Variants in ARMC2 observed in about 807,000 individuals in gnomAD.
The protein encoded by ARMC2 is armadillo repeat containing 2.
Under a neutral mutation model 90.3 loss-of-function variants are expected in ARMC2, and 67 were observed. The observed-to-expected ratio is 0.74, with a 90% CI of 0.61 to 0.91. The LOEUF is 0.91. Ranked by LOEUF, ARMC2 falls within the 40% of genes least tolerant of loss-of-function variation. The probability of loss-of-function intolerance (pLI) is 0.00; values close to 1 mark genes in which losing one functional copy is unlikely to be tolerated. For missense variants in ARMC2, 920 were observed against 1,030.9 expected, an observed-to-expected ratio of 0.89 and a Z score of 1.47; for synonymous variants, 393 against 393.0, an observed-to-expected ratio of 1.00 and a Z score of 0.00.
intron 5 of ARMC2, among the ~76,000 whole-genome samples, chr6:108,890,189 C>CAAAAAAAAAAAAAAAAAAAAA (rs869186045): frequency 1.6e-5 from 1 of 64,250 alleles, no homozygotes; most frequent in Non-Finnish European, 2.6e-5. Flanking sequence ...GACTCCGTCT[C>CAAAAAAAAAAAAAAAAAAAAA]AAAAAAAAAA....
At chr6:108,897,201 C>A (rs913669276) in intron 6 of ARMC2, among the ~76,000 whole-genome samples, 5 of 152,136 alleles carry the variant, frequency 3.3e-5, no homozygotes, top group Non-Finnish European at 7.3e-5. Context: ...TGTGAATATT[C>A]ATATATTTTG....
At chr6:108,905,655 A>G (rs1441817365) in intron 8 of ARMC2, among the ~76,000 whole-genome samples, 1 of 152,240 alleles carries the variant, frequency 6.6e-6, no homozygotes, top group Non-Finnish European at 1.5e-5. Flanking sequence ...TGTCATTCAA[A>G]TTAATTATAT....
chr6:109,040,564 A>C, the ARMC2 span, among the ~76,000 whole-genome samples: 34 of 152,298 alleles, frequency 2.2e-4, no homozygotes, highest in African/African-American at 7.2e-4. Flanking sequence ...ACAATGATTA[A>C]ATTAAAACAG....
chr6:108,944,231 A>G (rs1359386040), intron 12 of ARMC2, among the ~76,000 whole-genome samples: 3 of 152,230 alleles, frequency 2.0e-5, no homozygotes, highest in Non-Finnish European at 4.4e-5. Context: ...CCAAGTTGAC[A>G]AGACCCACCA....
chr6:109,002,373 C>T, the ARMC2 span: 2 of 1,586,678 alleles, frequency 1.3e-6, no homozygotes, highest in Non-Finnish European at 1.7e-6. Flanking sequence ...CATCTCAGGC[C>T]TTTGGCAGTA....
chr6:108,997,569 G>C, the ARMC2 span, among the ~76,000 whole-genome samples: 3 of 152,062 alleles, frequency 2.0e-5, no homozygotes, highest in Admixed American at 1.3e-4. Context: ...GCTGTACTTG[G>C]CATTTTACTT....
the ARMC2 span, among the ~76,000 whole-genome samples, chr6:109,002,720 G>A: frequency 2.6e-5 from 4 of 152,216 alleles, no homozygotes; most frequent in African/African-American, 7.2e-5. Context: ...CCTGTGCATC[G>A]TCAGAAAATG....
At chr6:108,872,551 G>T (rs1186486187) in intron 4 of ARMC2, among the ~76,000 whole-genome samples, 9 of 152,140 alleles carry the variant, frequency 5.9e-5, no homozygotes, top group Non-Finnish European at 1.2e-4. Flanking sequence ...TCTGCAGGTG[G>T]GTGGATGCGA....
Position 108,953,196 on chromosome 6 carries a change from G to T in ARMC2, c.1760G>T (p.Arg587Leu). 6.2e-7 allele frequency: 1 copy of T among 1,614,016 alleles called. No homozygotes were observed. The stretch of plus-strand genomic sequence containing the variant: ...CATTCCCAGAAGCCGGTGGGCCAAC[G>T]AGGCGAGCAGCACAGGGCGCAGAGG... ...DLHSQKPVGQ[R>L]GEQHRAQRPP... The change falls in exon 13 of 18, where the codon CGA (arginine) becomes CTA (leucine). Residue 587 changes from arginine (R) to leucine (L), a missense_variant. Physicochemically the swap from Arg to Leu is moderately radical, Grantham distance 102. Transcript: ENST00000392644.
intron 1 of ARMC2, among the ~76,000 whole-genome samples, chr6:108,852,517 A>G (rs1199315619): frequency 6.6e-6 from 1 of 152,220 alleles, no homozygotes; most frequent in Non-Finnish European, 1.5e-5. Flanking sequence ...GGTAATTCAC[A>G]GAATTTTTAG....
intron 1 of ARMC2, among the ~76,000 whole-genome samples, chr6:108,849,615 C>T (rs1773802963): frequency 6.6e-6 from 1 of 152,050 alleles, no homozygotes; most frequent in African/African-American, 2.4e-5. Context: ...GTTTTTCATT[C>T]GTGGAAATGA....
At chr6:108,894,432 A>T (rs1771390642) in intron 5 of ARMC2, 35 bp from the exon 6 acceptor site, 2 of 1,559,654 alleles carry the variant, frequency 1.3e-6, no homozygotes, top group East Asian at 4.5e-5. Context: ...AAGTGTTTTC[A>T]TGTTTGCGCT....
chr6:108,929,470 T>A (rs1775355020), intron 11 of ARMC2, among the ~76,000 whole-genome samples: 2 of 152,172 alleles, frequency 1.3e-5, no homozygotes, highest in Non-Finnish European at 1.5e-5. Context: ...TGCTATAAGA[T>A]GAATCCTTCA....
At position 108,928,884 on chromosome 6, in the gene ARMC2, G is replaced by A. The variant is rs147582583; in HGVS notation, c.1496+651G>A. Among the ~76,000 whole-genome samples, 616 of 152,230 alleles carry A rather than the reference G, an allele frequency of 4.0e-3. 2 individuals carry two copies. Among genetic ancestry groups the A allele is most frequent in the African/African-American group, 0.014 (577 of 41,550 alleles). Reference sequence around the variant, plus strand: ...CCTGAGGCTTTTCTTGAACTATAATGTTGTAGTTGTAAAGAAATGCAAAAT... The same window carrying A: ...CCTGAGGCTTTTCTTGAACTATAATATTGTAGTTGTAAAGAAATGCAAAAT... On this transcript the variant is annotated intron_variant, in intron 11 of 17. Transcript: ENST00000392644.
At chr6:108,864,253 CTTT>C (rs67415721) in intron 3 of ARMC2, among the ~76,000 whole-genome samples, 3 of 136,888 alleles carry the variant, frequency 2.2e-5, no homozygotes, top group Non-Finnish European at 3.1e-5. Context: ...TTTTTCTTTT[CTTT>C]TTTTTTTTTT....
chr6:108,875,884 C>A lies in ARMC2; in HGVS notation c.464-259C>A, dbSNP rs114913589. ...TAGGTAGTTTATGAGCCTGAAGTTG[C>A]GTGTTTGCCTTCAAGTAGACTCTAA... On this transcript the variant is annotated intron_variant, in intron 4 of 17. Transcript: ENST00000392644. 4.2e-3 allele frequency among the ~76,000 whole-genome samples: 640 copies of A among 152,186 alleles called. 3 individuals carry two copies. The highest frequency in any genetic ancestry group is 0.014 in the African/African-American group (600 of 41,510).
At chr6:108,952,108 C>A (rs879543210) in intron 12 of ARMC2, among the ~76,000 whole-genome samples, 1 of 152,170 alleles carries the variant, frequency 6.6e-6, no homozygotes, top group Non-Finnish European at 1.5e-5. Context: ...AGATATAATA[C>A]CATCCAGGCC....
chr6:108,933,124 A>G (rs1775712523), intron 11 of ARMC2, among the ~76,000 whole-genome samples: 1 of 151,932 alleles, frequency 6.6e-6, no homozygotes, highest in Non-Finnish European at 1.5e-5. Context: ...GTAGTTTGAT[A>G]GGAATAGGAT....
At chr6:108,850,389 C>T (rs1773884606) in intron 1 of ARMC2, among the ~76,000 whole-genome samples, 1 of 152,158 alleles carries the variant, frequency 6.6e-6, no homozygotes, top group African/African-American at 2.4e-5. Flanking sequence ...TTGTTTCTGG[C>T]CTCTTCCTGG....
Sources: gnomAD v4.1 joint callset for allele counts (sites outside exome capture counted in the v4.1 genomes callset) on GRCh38, gnomAD v4.1.1 for gene constraint, MANE v1.5 for transcripts, NCBI Gene and HGNC (gene_info 2026-07-23, HGNC 2026-07-21) for gene names.